CCDC171: variants seen among roughly 807,000 people sequenced by gnomAD.
The protein encoded by CCDC171 is coiled-coil domain containing 171, also known as coiled-coil domain-containing protein 171.
Under a neutral mutation model 168.2 loss-of-function variants are expected in CCDC171, and 177 were observed. The observed-to-expected ratio is 1.05, with a 90% CI of 0.93 to 1.19. The LOEUF (loss-of-function observed/expected upper bound fraction) is 1.19. Among genes scored for constraint, CCDC171 ranks in the 50% most tolerant of loss-of-function variants. CCDC171 has a pLI of 0.00. For synonymous variants in CCDC171, 687 were observed against 540.8 expected (o/e 1.27, Z -3.75); for missense variants, 1,991 against 1,539.0 (o/e 1.29, Z -4.91).
intron 4 of CCDC171, among the ~76,000 whole-genome samples, chr9:16,021,035 T>C (rs1284746331): frequency 1.3e-5 from 2 of 152,264 alleles, no homozygotes; most frequent in Non-Finnish European, 2.9e-5. Context: ...CTAATTGTTA[T>C]ATGCTTTTTG....
chr9:15,987,969 C>G (rs536605990), intron 3 of CCDC171, among the ~76,000 whole-genome samples: 11 of 152,310 alleles, frequency 7.2e-5, no homozygotes, highest in African/African-American at 2.2e-4. Context: ...TCTCAGCCAC[C>G]CTTGTGGACA....
In CCDC171 at chr9:15,845,936, G is replaced by C. The variant is rs1430604427; in HGVS notation, c.3268-766G>C. On this transcript the variant is annotated intron_variant, in intron 21 of 25. Coordinates refer to ENST00000380701, the MANE Select transcript of CCDC171 (RefSeq NM_173550.4). ...GTGTAAAGTTGCACAATTGCATCTT[G>C]AAATTTTTGTGTTAAGTAAATATTT... Among the ~76,000 whole-genome samples the C allele has an allele frequency of 4.6e-5, 7 of 152,170 alleles. No homozygotes were observed. The East Asian group carries it at 9.7e-4, about 21-fold the overall frequency.
At chr9:15,902,631 C>A (rs1353902138) in intron 24 of CCDC171, among the ~76,000 whole-genome samples, 2 of 152,158 alleles carry the variant, frequency 1.3e-5, no homozygotes, top group African/African-American at 2.4e-5. Context: ...GTGATTTCTG[C>A]ATTTCCAACT....
intron 7 of CCDC171, among the ~76,000 whole-genome samples, chr9:15,634,157 C>T (rs1232321289): frequency 6.6e-6 from 1 of 151,502 alleles, no homozygotes; most frequent in Non-Finnish European, 1.5e-5. Context: ...TACATGTACC[C>T]TAAAACTTAA....
At chr9:15,636,579 T>C (rs2046215589) in intron 7 of CCDC171, among the ~76,000 whole-genome samples, 1 of 151,478 alleles carries the variant, frequency 6.6e-6, no homozygotes, top group African/African-American at 2.4e-5. Flanking sequence ...TGAAATATCA[T>C]CCCTACAAAA....
rs114850470 is a variant in CCDC171, at chr9:15,720,449, T to C, written c.1319-1320T>C. On this transcript the variant is annotated intron_variant, in intron 11 of 25. Coordinates refer to ENST00000380701, the MANE Select transcript of CCDC171 (RefSeq NM_173550.4). ...ATGCATAATGCCTAAGATTAGTATG[T>C]AGTAGGAATTCAGTAAATTAGTTGA... 8.0e-3 allele frequency among the ~76,000 whole-genome samples: 1,223 copies of C among 152,306 alleles called. 11 individuals carry two copies. Among genetic ancestry groups the C allele is most frequent in the African/African-American group, 0.028 (1,163 of 41,556 alleles).
chr9:16,028,683 A>G (rs919671408), intron 6 of CCDC171, among the ~76,000 whole-genome samples: 1 of 152,154 alleles, frequency 6.6e-6, no homozygotes, highest in Non-Finnish European at 1.5e-5. Flanking sequence ...CAGATCTCCA[A>G]CTGCAGGGAG....
intron 1 of CCDC171, among the ~76,000 whole-genome samples, chr9:16,048,682 GTAAAGAAA>G (rs1833700324): frequency 6.6e-6 from 1 of 150,932 alleles, no homozygotes; most frequent in East Asian, 1.9e-4. Flanking sequence ...TTTTTTGAAA[GTAAAGAAA>G]TAAAGAAATA....
At chr9:15,896,165 C>A (rs16933756) in intron 24 of CCDC171, among the ~76,000 whole-genome samples, 1 of 151,838 alleles carries the variant, frequency 6.6e-6, no homozygotes, top group Admixed American at 6.6e-5. Flanking sequence ...TGCATTTGCC[C>A]TTAGAATTAG....
At chr9:16,050,557 A>C (rs1040542066) in intron 1 of CCDC171, among the ~76,000 whole-genome samples, 1 of 152,194 alleles carries the variant, frequency 6.6e-6, no homozygotes, top group African/African-American at 2.4e-5. Flanking sequence ...TTTCACCTTC[A>C]CATTATTACC....
intron 25 of CCDC171, 33 bp from the exon 26 acceptor site, chr9:15,971,576 A>T (rs199688349): frequency 6.8e-7 from 1 of 1,476,500 alleles, no homozygotes; most frequent in South Asian, 1.1e-5. Flanking sequence ...TTTCAACTCT[A>T]TGTTTATTAT....
chr9:15,836,037 TTTAA>T (rs1411706966), intron 21 of CCDC171, among the ~76,000 whole-genome samples: 1 of 152,222 alleles, frequency 6.6e-6, no homozygotes, highest in Non-Finnish European at 1.5e-5. Flanking sequence ...GATTTTAATA[TTTAA>T]TTAAACTTCA....
At chr9:15,883,641 ATTGCATCCG>A (rs1390404657) in intron 24 of CCDC171, among the ~76,000 whole-genome samples, 1 of 152,186 alleles carries the variant, frequency 6.6e-6, no homozygotes, top group Non-Finnish European at 1.5e-5. Flanking sequence ...AGGGCAAGTA[ATTGCATCCG>A]TGTAAAGCTT....
In CCDC171 at chr9:15,675,562, G is replaced by A. The variant is rs12001122; in HGVS notation, c.1077-3196G>A. ...TTTCTTCAGGAGCTCTTGTAAGGCA[G>A]GCCTGGTGGTGACAAAATCTCTCAG... On this transcript the variant is annotated intron_variant, in intron 9 of 25. Transcript: ENST00000380701. Among the ~76,000 whole-genome samples the A allele has an allele frequency of 4.0e-4, 61 of 152,130 alleles. 1 individual carries two copies. The highest frequency in any genetic ancestry group is 8.4e-4 in the Non-Finnish European group (57 of 68,014).
chr9:15,740,280 A>C (rs544933309), intron 16 of CCDC171, among the ~76,000 whole-genome samples: 3 of 151,896 alleles, frequency 2.0e-5, no homozygotes, highest in African/African-American at 7.2e-5. Flanking sequence ...CAGTTATTTC[A>C]CCACCATTTA....
intron 6 of CCDC171, among the ~76,000 whole-genome samples, chr9:15,597,627 C>T (rs1391842567): frequency 3.9e-5 from 6 of 152,104 alleles, no homozygotes; most frequent in Admixed American, 1.3e-4. Flanking sequence ...GTGTCTCTGC[C>T]AGGCTTTCCT....
intron 3 of CCDC171, among the ~76,000 whole-genome samples, chr9:15,575,937 C>G (rs1198410052): frequency 6.6e-6 from 1 of 151,960 alleles, no homozygotes; most frequent in African/African-American, 2.4e-5. Context: ...ACTAAAAATG[C>G]AAAAATTAGC....
intron 18 of CCDC171, among the ~76,000 whole-genome samples, chr9:15,767,404 T>C (rs952537156): frequency 1.3e-5 from 2 of 152,212 alleles, no homozygotes; most frequent in Non-Finnish European, 2.9e-5. Context: ...TCTTCTTCTG[T>C]GTACCACTTT....
At chr9:15,637,922 A>G (rs532504147) in intron 7 of CCDC171, among the ~76,000 whole-genome samples, 11 of 152,202 alleles carry the variant, frequency 7.2e-5, no homozygotes, top group African/African-American at 1.7e-4. Flanking sequence ...TAGTGCCGCA[A>G]TAAACATACG....
Sources: allele counts gnomAD v4.1 joint callset (sites outside exome capture counted in the v4.1 genomes callset), GRCh38; gene constraint gnomAD v4.1.1; transcripts MANE v1.5; gene names NCBI Gene and HGNC (gene_info 2026-07-23, HGNC 2026-07-21).